Variants in PXDN observed in about 807,000 individuals in gnomAD.
PXDN encodes peroxidasin homolog.
Under a neutral mutation model 140.3 loss-of-function variants are expected in PXDN, and 77 were observed. The ratio of observed to expected loss-of-function variants is 0.55; its 90% confidence interval spans 0.46 to 0.66. The LOEUF (loss-of-function observed/expected upper bound fraction) is 0.66, where lower values mean the gene tolerates loss of function less well. PXDN is among the 30% of genes least tolerant of loss of function. The pLI is 0.00. For synonymous variants in PXDN, 911 were observed against 857.4 expected (o/e 1.06, Z -1.09); for missense variants, 1,838 against 2,039.5 (o/e 0.90, Z 1.90).
At chr2:1,679,127 T>TGGTGTGTTTGTGGATG (rs1683802644) in intron 7 of PXDN, among the ~76,000 whole-genome samples, 1 of 142,450 alleles carries the variant, frequency 7.0e-6, no homozygotes, top group Non-Finnish European at 1.5e-5. Flanking sequence ...TGTCTATAAA[T>TGGTGTGTTTGTGGATG]GGTGTGTTTG....
intron 1 of PXDN, among the ~76,000 whole-genome samples, chr2:1,723,041 T>C (rs1035568435): frequency 2.0e-5 from 3 of 152,200 alleles, no homozygotes; most frequent in African/African-American, 7.2e-5. Context: ...GATGGACTAA[T>C]GAATGGACAG....
upstream of PXDN, chr2:1,744,638 G>A (rs1180563949): frequency 3.9e-6 from 2 of 514,804 alleles, no homozygotes; most frequent in South Asian, 9.6e-5. Flanking sequence ...GCGAGAACCC[G>A]GGGCCCCAGC....
intron 1 of PXDN, among the ~76,000 whole-genome samples, chr2:1,718,382 C>A (rs79620574): frequency 6.6e-6 from 1 of 152,056 alleles, no homozygotes; most frequent in Non-Finnish European, 1.5e-5. Flanking sequence ...TAACTTACCA[C>A]CCAAACCTAC....
At chr2:1,679,475 A>G (rs1192754297) in intron 7 of PXDN, among the ~76,000 whole-genome samples, 1 of 140,050 alleles carries the variant, frequency 7.1e-6, no homozygotes, top group Non-Finnish European at 1.5e-5. Flanking sequence ...GTGTGTCTAT[A>G]AATGGTTTGT....
intron 6 of PXDN, among the ~76,000 whole-genome samples, chr2:1,680,575 CA>C (rs750781527): frequency 8.1e-4 from 123 of 152,300 alleles, no homozygotes; most frequent in Non-Finnish European, 1.3e-3. Flanking sequence ...AGGAAGAGCC[CA>C]GGGGTGCACA....
chr2:1,693,772 A>G (rs1292499983), intron 1 of PXDN, among the ~76,000 whole-genome samples: 1 of 152,244 alleles, frequency 6.6e-6, no homozygotes, highest in African/African-American at 2.4e-5. Context: ...GAGGATCCGA[A>G]TAGCCCATGA....
chr2:1,657,932 G>A (rs1447629366), intron 14 of PXDN, among the ~76,000 whole-genome samples: 2 of 134,336 alleles, frequency 1.5e-5, no homozygotes, highest in Non-Finnish European at 3.1e-5. Context: ...ACAGGAACCT[G>A]CCCCCTCTTG....
chr2:1,744,669 T>G, upstream of PXDN: 1 of 361,300 alleles, frequency 2.8e-6, no homozygotes. Flanking sequence ...AGCGCCCTCA[T>G]CCCGGTGGGG....
Position 1,738,246 on chromosome 2 carries a change from C to T in PXDN, c.200+6010G>A, listed in dbSNP as rs189442359. Among the ~76,000 whole-genome samples the T allele has an allele frequency of 2.6e-5, 4 of 152,162 alleles. 1 individual carries two copies. The highest frequency in any genetic ancestry group is 2.0e-4 in the Admixed American group (3 of 15,280). On this transcript the variant is annotated intron_variant, in intron 1 of 22. Transcript: ENST00000252804. ...TATTAAAATAATTAGTAAACCTGGGCGTTGGGAAGTACGAGAGAGCTCACG... is the reference window on the plus strand; with the variant it reads ...TATTAAAATAATTAGTAAACCTGGGTGTTGGGAAGTACGAGAGAGCTCACG...
intron 1 of PXDN, among the ~76,000 whole-genome samples, chr2:1,723,775 C>T (rs1186020487): frequency 1.3e-5 from 2 of 151,896 alleles, no homozygotes; most frequent in African/African-American, 4.8e-5. Context: ...GGCACTGATC[C>T]AGGAAAATTA....
At chr2:1,680,403 T>C (rs767534100) in intron 6 of PXDN, 41 bp from the exon 7 acceptor site, 1 of 1,608,594 alleles carries the variant, frequency 6.2e-7, no homozygotes, top group South Asian at 1.1e-5. Flanking sequence ...ATGGGGTGGC[T>C]GGGCTTGTCC....
chr2:1,744,173 C>A, intron 1 of PXDN, 83 bp downstream of exon 1: 4 of 1,299,150 alleles, frequency 3.1e-6, no homozygotes, highest in South Asian at 3.9e-5. Context: ...CCCTCCGCGC[C>A]CCCCACCTCC....
intron 18 of PXDN, among the ~76,000 whole-genome samples, chr2:1,644,106 A>AGT (rs1318475510): frequency 6.7e-6 from 1 of 148,404 alleles, no homozygotes; most frequent in East Asian, 2.0e-4. Flanking sequence ...AAAGAACGAC[A>AGT]GTGTTAGCTC....
At chr2:1,703,289 T>G (rs1445068953) in intron 1 of PXDN, among the ~76,000 whole-genome samples, 4 of 680 alleles carry the variant, frequency 5.9e-3, no homozygotes, top group East Asian at 0.013. Flanking sequence ...CAGGTGAAGG[T>G]AGGGGACAAC....
At chr2:1,665,628 G>A (rs1485628743) in intron 10 of PXDN, among the ~76,000 whole-genome samples, 1 of 152,232 alleles carries the variant, frequency 6.6e-6, no homozygotes, top group Non-Finnish European at 1.5e-5. Flanking sequence ...ACAGGAAAGG[G>A]CTGAAGAGAG....
At chr2:1,701,268 G>A (rs1279426490) in intron 1 of PXDN, among the ~76,000 whole-genome samples, 1 of 152,206 alleles carries the variant, frequency 6.6e-6, no homozygotes, top group Non-Finnish European at 1.5e-5. Flanking sequence ...TTTACCACAG[G>A]GGTGAGTACA....
intron 11 of PXDN, chr2:1,664,077 G>T (rs1014086009): frequency 6.2e-5 from 20 of 322,172 alleles, no homozygotes; most frequent in African/African-American, 3.3e-4. Context: ...GGAGAACCAG[G>T]GAGAGGATTG....
intron 21 of PXDN, among the ~76,000 whole-genome samples, chr2:1,638,112 TG>T (rs1370950941): frequency 2.0e-5 from 3 of 152,168 alleles, no homozygotes; most frequent in Non-Finnish European, 2.9e-5. Context: ...CTAAGAGTCC[TG>T]TGAGTAGGAA....
chr2:1,639,415 C>G lies in PXDN; in HGVS notation c.3960G>C (p.Arg1320Ser). ...RVWQDCCEDCRTRGQFNAFSY... is the reference protein window; with the variant it reads ...RVWQDCCEDCSTRGQFNAFSY... ...AAAAGGCATTGAACTGCCCCCTGGTCCTACAGTCTAAAATGGAAGCACAAA... is the reference window on the plus strand; with the variant it reads ...AAAAGGCATTGAACTGCCCCCTGGTGCTACAGTCTAAAATGGAAGCACAAA... The change falls in exon 20 of 23, where the codon AGG becomes AGC. Residue 1320 changes from arginine to serine, a missense_variant. Physicochemically the swap from Arg to Ser is moderately radical, Grantham distance 110. Around this residue, in one of 5 missense-constraint regions of PXDN, gnomAD observed 850 missense variants for 894.1 expected, o/e 0.95. Coordinates refer to ENST00000252804, the MANE Select transcript of PXDN (RefSeq NM_012293.3). This position sits in a 1 kb window ranked among gnomAD's most constrained non-coding sequence, Gnocchi z 5.0. The G allele has an allele frequency of 6.2e-7, 1 of 1,613,988 alleles. No individual in the cohort carries two copies. The highest frequency in any genetic ancestry group is 1.3e-5 in the African/African-American group (1 of 75,044).
Sources: gnomAD v4.1 joint callset for allele counts (sites outside exome capture counted in the v4.1 genomes callset) on GRCh38, gnomAD v4.1.1 for gene constraint, gnomAD v4.1.1 regional missense constraint, Gnocchi (gnomAD v3.1) non-coding constraint, MANE v1.5 for transcripts, NCBI Gene and HGNC (gene_info 2026-07-23, HGNC 2026-07-21) for gene names.